ODAD2: variants seen among roughly 807,000 people sequenced by gnomAD.
ODAD2 encodes the protein outer dynein arm docking complex subunit 2, also known as outer dynein arm-docking complex subunit 2.
A neutral mutation model predicts 106.8 loss-of-function variants in ODAD2; 89 were observed. The observed-to-expected ratio is 0.83, with a 90% CI of 0.70 to 0.99. ODAD2 has a LOEUF of 0.99. ODAD2 is among the 50% of genes least tolerant of loss of function. ODAD2 has a pLI of 0.00. For synonymous variants in ODAD2, 404 were observed against 436.2 expected (o/e 0.93, Z 0.92); for missense variants, 1,168 against 1,238.5 (o/e 0.94, Z 0.85).
chr10:27,913,344 C>T (rs1447210699), intron 16 of ODAD2, among the ~76,000 whole-genome samples: 1 of 152,050 alleles, frequency 6.6e-6, no homozygotes, highest in Non-Finnish European at 1.5e-5. Context: ...CATGTGTACT[C>T]AGTGTTTGCT....
At chr10:27,972,523 C>A (rs1848926928) in intron 7 of ODAD2, among the ~76,000 whole-genome samples, 1 of 151,894 alleles carries the variant, frequency 6.6e-6, no homozygotes, top group Non-Finnish European at 1.5e-5. Context: ...TATTTGTGGC[C>A]TAAAGAAACT....
rs760247893 is a variant in ODAD2 at position 27,940,650 on chromosome 10, GCCCCCA to G, written c.1893_1898del (p.Gly632_Gly633del). On this transcript the variant is annotated inframe_deletion, in exon 13 of 20. Transcript: ENST00000305242. ...TCAGCAGCCGAGCCAACAGAGGAAT[GCCCCCA>G]GCTTTGCGGATGGCTTCTTTATTCG... is the stretch of plus-strand genomic sequence containing the variant. 6.2e-7 allele frequency: 1 copy of G among 1,614,070 alleles called. No individual in the cohort carries two copies. Among genetic ancestry groups the G allele is most frequent in the Non-Finnish European group, 8.5e-7 (1 of 1,179,990 alleles).
chr10:27,912,385 A>G (rs1844070685), intron 16 of ODAD2, among the ~76,000 whole-genome samples: 1 of 152,202 alleles, frequency 6.6e-6, no homozygotes, highest in South Asian at 2.1e-4. Context: ...AGATGAATAC[A>G]TGTACGTGCT....
chr10:27,847,629 A>G, intron 19 of ODAD2, among the ~76,000 whole-genome samples: 1 of 152,074 alleles, frequency 6.6e-6, no homozygotes, highest in Non-Finnish European at 1.5e-5. Context: ...AGGAAGTCAA[A>G]TTGTCCCTGT....
intron 7 of ODAD2, among the ~76,000 whole-genome samples, chr10:27,975,484 A>G (rs1849132028): frequency 6.6e-6 from 1 of 152,190 alleles, no homozygotes; most frequent in Admixed American, 6.5e-5. Flanking sequence ...AAGGTCAATA[A>G]GAGAATACTA....
intron 17 of ODAD2, 62 bp downstream of exon 17, chr10:27,907,601 G>T: frequency 2.7e-6 from 3 of 1,130,670 alleles, no homozygotes; most frequent in Non-Finnish European, 3.9e-6. Context: ...GTAACCTGTG[G>T]TGGCATTTTT....
chr10:27,918,374 A>G (rs1844542073), intron 16 of ODAD2, among the ~76,000 whole-genome samples: 1 of 151,984 alleles, frequency 6.6e-6, no homozygotes, highest in Non-Finnish European at 1.5e-5. Flanking sequence ...CTTCCAAAAC[A>G]AATCATGGTG....
chr10:27,849,561 A>G (rs1043275565), intron 19 of ODAD2, among the ~76,000 whole-genome samples: 6 of 152,050 alleles, frequency 3.9e-5, no homozygotes, highest in African/African-American at 1.4e-4. Flanking sequence ...AATAATAATA[A>G]TAAAGAAGTC....
intron 17 of ODAD2, among the ~76,000 whole-genome samples, chr10:27,885,846 GAT>G (rs1287087675): frequency 2.4e-5 from 2 of 84,196 alleles, no homozygotes; most frequent in African/African-American, 4.8e-5. Flanking sequence ...TATTTGTTTG[GAT>G]ATATATATTT....
Position 27,994,911 on chromosome 10 carries a change from T to C in ODAD2, c.224+8A>G, listed in dbSNP as rs370213670. On this transcript the variant is annotated splice_region_variant and intron_variant, in intron 2 of 19. Transcript: ENST00000305242. ...ATATCAAATCCTAGAAGCAAGTAAC[T>C]GGCTTACCTGACAACATAACCTGAT... is the stretch of plus-strand genomic sequence containing the variant. 1.7e-5 allele frequency: 27 copies of C among 1,613,356 alleles called. No homozygotes were observed. The African/African-American group carries it at 2.9e-4, about 18-fold the overall frequency.
chr10:27,831,910 G>C (rs1490267411), intron 19 of ODAD2, among the ~76,000 whole-genome samples: 2 of 152,204 alleles, frequency 1.3e-5, no homozygotes, highest in African/African-American at 4.8e-5. Context: ...TGCAGTCTGT[G>C]AGGGCACCAG....
In ODAD2 at chr10:27,940,634, G is replaced by C. The variant is rs1177855134; in HGVS notation, c.1915C>G (p.Arg639Gly). 13 of 1,613,972 alleles carry C rather than the reference G, an allele frequency of 8.1e-6. No homozygotes were observed. The Admixed American group carries it at 1.0e-4, about 12-fold the overall frequency. Residue 639 changes from arginine (R) to glycine (G), a missense_variant, in exon 13 of 20, where the codon CGG becomes GGG. Physicochemically the swap from Arg to Gly is moderately radical, Grantham distance 125. This residue lies in a region of ODAD2 where 701 missense variants were observed against 712.3 expected (regional missense o/e 0.98). Transcript: ENST00000305242. ...TTTTCATGAGAAGTCTTCAGCAGCCGAGCCAACAGAGGAATGCCCCCAGCT... is the reference window on the plus strand; with the variant it reads ...TTTTCATGAGAAGTCTTCAGCAGCCCAGCCAACAGAGGAATGCCCCCAGCT... Reference protein sequence around the residue: ...RKAGGIPLLARLLKTSHENML... With the variant: ...RKAGGIPLLAGLLKTSHENML...
intron 17 of ODAD2, among the ~76,000 whole-genome samples, chr10:27,880,747 T>C (rs1473256731): frequency 6.6e-6 from 1 of 152,208 alleles, no homozygotes; most frequent in East Asian, 1.9e-4. Flanking sequence ...TGCCAGTGCC[T>C]TGATCTTGGA....
intron 10 of ODAD2, among the ~76,000 whole-genome samples, chr10:27,955,328 T>C (rs11817213): frequency 0.043 from 6,565 of 152,234 alleles, 472 homozygotes; most frequent in African/African-American, 0.15. Flanking sequence ...GGTTCCCTGT[T>C]GACTCTCACT....
Position 27,864,510 on chromosome 10 carries a change from A to AGAGTGAGGTGAGAGCGGG in ODAD2, c.2611-1906_2611-1889dup, listed in dbSNP as rs1167798888. 6.5e-3 allele frequency among the ~76,000 whole-genome samples: 861 copies of AGAGTGAGGTGAGAGCGGG among 132,766 alleles called. 96 individuals are homozygous for AGAGTGAGGTGAGAGCGGG. Among genetic ancestry groups the AGAGTGAGGTGAGAGCGGG allele is most frequent in the Non-Finnish European group, 8.6e-3 (511 of 59,446 alleles). 87.1% of individuals were successfully genotyped at this position (132,766 alleles called of 152,430 possible). ...AGAGTGAGGAGTGAAGTGAGAGTGG[A>AGAGTGAGGTGAGAGCGGG]GAGTGAGGTGAGAGCGGGGAGTGAG... On this transcript the variant is annotated intron_variant, in intron 17 of 19. Coordinates refer to ENST00000305242, the MANE Select transcript of ODAD2 (RefSeq NM_018076.5).
intron 10 of ODAD2, among the ~76,000 whole-genome samples, chr10:27,955,464 C>T (rs1413616854): frequency 6.6e-6 from 1 of 152,122 alleles, no homozygotes; most frequent in African/African-American, 2.4e-5. Context: ...AAGATAGAAG[C>T]CTGGACTCAG....
In ODAD2 at chr10:27,862,141, T is replaced by A. The variant is rs118095999; in HGVS notation, c.2799+293A>T. On this transcript the variant is annotated intron_variant, in intron 18 of 19. Coordinates refer to ENST00000305242, the MANE Select transcript of ODAD2 (RefSeq NM_018076.5). Reference sequence around the variant, plus strand: ...ACCATGATGGTGGCGGTGAAGATGATAGTTAACACTTACATAATAGCACTT... The same window carrying A: ...ACCATGATGGTGGCGGTGAAGATGAAAGTTAACACTTACATAATAGCACTT... Among the ~76,000 whole-genome samples the A allele has an allele frequency of 0.027, 4,142 of 152,312 alleles. 67 individuals carry two copies. The highest frequency in any genetic ancestry group is 0.043 in the Non-Finnish European group (2,935 of 68,022).
chr10:27,883,447 A>G (rs1841880341), intron 17 of ODAD2, among the ~76,000 whole-genome samples: 1 of 152,194 alleles, frequency 6.6e-6, no homozygotes, highest in African/African-American at 2.4e-5. Flanking sequence ...TAGGATTTTC[A>G]TATTTAATTA....
At chr10:27,934,225 C>T in intron 16 of ODAD2, among the ~76,000 whole-genome samples, 1 of 151,918 alleles carries the variant, frequency 6.6e-6, no homozygotes, top group East Asian at 1.9e-4. Flanking sequence ...TTATAATTAC[C>T]CAGTTTCGGG....
Sources: allele counts gnomAD v4.1 joint callset (sites outside exome capture counted in the v4.1 genomes callset), GRCh38; gene constraint gnomAD v4.1.1; regional missense constraint gnomAD v4.1.1; transcripts MANE v1.5; gene names NCBI Gene and HGNC (gene_info 2026-07-23, HGNC 2026-07-21).